LGSN: variants seen among roughly 807,000 people sequenced by gnomAD.
LGSN encodes lengsin.
A neutral mutation model predicts 19.5 loss-of-function variants in LGSN; 21 were observed. That is an observed-to-expected ratio of 1.07 (90% CI 0.76 to 1.55). LGSN has a LOEUF of 1.55. LGSN is among the 40% of genes most tolerant of loss of function. The pLI is 0.00. For missense variants in LGSN, 673 were observed against 608.5 expected, an observed-to-expected ratio of 1.11 and a Z score of -1.12; for synonymous variants, 257 against 215.6, an observed-to-expected ratio of 1.19 and a Z score of -1.68.
At chr6:63,433,220 C>T in the LGSN span, among the ~76,000 whole-genome samples, 3 of 152,120 alleles carry the variant, frequency 2.0e-5, no homozygotes, top group Admixed American at 2.0e-4. Flanking sequence ...TAATAATCAG[C>T]CTCTGTCCCA....
the LGSN span, among the ~76,000 whole-genome samples, chr6:63,450,730 C>T: frequency 1.3e-5 from 2 of 150,778 alleles, no homozygotes; most frequent in African/African-American, 4.9e-5. Context: ...TGGAGTGTAG[C>T]AGGGCAGTCT....
At position 63,315,630 on chromosome 6, in the gene LGSN, G is replaced by C. The variant is rs1395381848; in HGVS notation, c.30+4284C>G. ...TCTCTCTCTCTCTCTGTGTGTGTGT[G>C]TGTGTGTGTGTGTGTGTGTGTGTGT... On this transcript the variant is annotated intron_variant, in intron 1 of 3. Transcript: ENST00000370657. Among the ~76,000 whole-genome samples the C allele has an allele frequency of 2.9e-3, 434 of 150,676 alleles. 3 individuals are homozygous for C. Among genetic ancestry groups the C allele is most frequent in the African/African-American group, 0.01 (411 of 41,002 alleles).
the LGSN span, among the ~76,000 whole-genome samples, chr6:63,368,336 C>T: frequency 6.6e-6 from 1 of 152,132 alleles, no homozygotes; most frequent in Non-Finnish European, 1.5e-5. Flanking sequence ...TTATAAAATT[C>T]CCCTCAGCAC....
the LGSN span, among the ~76,000 whole-genome samples, chr6:63,422,070 G>A: frequency 6.6e-6 from 1 of 152,072 alleles, no homozygotes; most frequent in Non-Finnish European, 1.5e-5. Flanking sequence ...ATTTTTTGTT[G>A]TTTTGTTGAG....
the LGSN span, among the ~76,000 whole-genome samples, chr6:63,349,513 A>G: frequency 2.9e-3 from 449 of 152,322 alleles, 3 homozygotes; most frequent in African/African-American, 0.01. Flanking sequence ...CATTCTAAGA[A>G]AGTCTGACCT....
chr6:63,346,957 G>A, the LGSN span, among the ~76,000 whole-genome samples: 2 of 152,198 alleles, frequency 1.3e-5, no homozygotes, highest in Non-Finnish European at 2.9e-5. Flanking sequence ...TCCTGGCGAA[G>A]TATGAAAGTT....
At chr6:63,469,848 C>A in the LGSN span, among the ~76,000 whole-genome samples, 2 of 152,148 alleles carry the variant, frequency 1.3e-5, no homozygotes, top group African/African-American at 4.8e-5. Flanking sequence ...TCCTGAGGAG[C>A]TGAGATTACA....
chr6:63,441,748 C>T, the LGSN span: 5 of 385,240 alleles, frequency 1.3e-5, no homozygotes, highest in South Asian at 8.9e-5. Flanking sequence ...AATCTAAGTC[C>T]GAATCCTGCC....
At chr6:63,292,145 A>G (rs1767797227) in intron 2 of LGSN, among the ~76,000 whole-genome samples, 1 of 152,202 alleles carries the variant, frequency 6.6e-6, no homozygotes, top group Non-Finnish European at 1.5e-5. Context: ...AATCTGAATG[A>G]ACTTGTAAAT....
chr6:63,297,010 A>AG (rs1012412739), intron 1 of LGSN, among the ~76,000 whole-genome samples: 3 of 152,076 alleles, frequency 2.0e-5, no homozygotes, highest in Non-Finnish European at 4.4e-5. Context: ...AAAAAAAAAA[A>AG]ATTTACCTAG....
At chr6:63,535,690 T>A in the LGSN span, among the ~76,000 whole-genome samples, 6 of 151,350 alleles carry the variant, frequency 4.0e-5, no homozygotes, top group African/African-American at 1.5e-4. Context: ...TTATAGTAGT[T>A]TTGATGAGTT....
the LGSN span, among the ~76,000 whole-genome samples, chr6:63,445,421 C>T: frequency 6.6e-6 from 1 of 152,110 alleles, no homozygotes; most frequent in East Asian, 1.9e-4. Flanking sequence ...AGCTCGCGAC[C>T]AGCCTGGCCA....
chr6:63,331,518 C>T, the LGSN span, among the ~76,000 whole-genome samples: 1 of 152,180 alleles, frequency 6.6e-6, no homozygotes, highest in African/African-American at 2.4e-5. Context: ...TGTTTCCCAT[C>T]TGAAAGACAA....
At chr6:63,332,948 T>G in the LGSN span, among the ~76,000 whole-genome samples, 1 of 151,988 alleles carries the variant, frequency 6.6e-6, no homozygotes, top group African/African-American at 2.4e-5. Context: ...GTGGTGCATC[T>G]GGAGTTGTTC....
the LGSN span, among the ~76,000 whole-genome samples, chr6:63,411,747 C>T: frequency 6.6e-6 from 1 of 151,926 alleles, no homozygotes; most frequent in East Asian, 1.9e-4. Context: ...TGTTGAAGCA[C>T]AAGAATCCCT....
chr6:63,490,202 CCTT>C, the LGSN span, among the ~76,000 whole-genome samples: 2 of 152,184 alleles, frequency 1.3e-5, no homozygotes, highest in Non-Finnish European at 2.9e-5. Context: ...CTGCCTCTGT[CCTT>C]CTTCGAGTTA....
At chr6:63,363,330 C>G in the LGSN span, among the ~76,000 whole-genome samples, 1 of 152,186 alleles carries the variant, frequency 6.6e-6, no homozygotes. Flanking sequence ...AGCAACAGAA[C>G]AAAGCTGGAC....
the LGSN span, among the ~76,000 whole-genome samples, chr6:63,440,312 A>T: frequency 2.0e-5 from 3 of 152,154 alleles, no homozygotes; most frequent in East Asian, 5.8e-4. Flanking sequence ...GGCCGTTTGT[A>T]GGTGGAGGAG....
chr6:63,297,278 G>A (rs993533877), intron 1 of LGSN, among the ~76,000 whole-genome samples: 1 of 151,386 alleles, frequency 6.6e-6, no homozygotes, highest in African/African-American at 2.4e-5. Context: ...AGGCAGCCGA[G>A]GTTGCAGTGA....
Sources: allele counts gnomAD v4.1 joint callset (sites outside exome capture counted in the v4.1 genomes callset), GRCh38; gene constraint gnomAD v4.1.1; transcripts MANE v1.5; gene names NCBI Gene and HGNC (gene_info 2026-07-23, HGNC 2026-07-21).